Variants in SCN11A observed in about 807,000 individuals in gnomAD.
SCN11A encodes sodium voltage-gated channel alpha subunit 11.
A neutral mutation model predicts 162.2 loss-of-function variants in SCN11A; 122 were observed. That is an observed-to-expected ratio of 0.75 (90% CI 0.65 to 0.87). The LOEUF (loss-of-function observed/expected upper bound fraction) is 0.87, where lower values mean the gene tolerates loss of function less well. Among genes scored for constraint, SCN11A ranks in the 40% least tolerant of loss-of-function variants. SCN11A has a pLI of 0.00. For synonymous variants in SCN11A, 758 were observed against 751.5 expected (o/e 1.01, Z -0.14); for missense variants, 2,015 against 2,181.6 (o/e 0.92, Z 1.52).
At chr3:38,889,024 A>C (rs2065449279) in intron 19 of SCN11A, among the ~76,000 whole-genome samples, 1 of 152,230 alleles carries the variant, frequency 6.6e-6, no homozygotes, top group Non-Finnish European at 1.5e-5. Context: ...TGAAATTGAA[A>C]AAAAAGATAT....
intron 26 of SCN11A, among the ~76,000 whole-genome samples, chr3:38,869,516 C>G (rs1238447605): frequency 6.6e-6 from 1 of 152,026 alleles, no homozygotes. Context: ...AGAAAGTTGA[C>G]TTTATTGACA....
chr3:38,918,448 C>T (rs115968017), intron 11 of SCN11A, among the ~76,000 whole-genome samples: 2,908 of 152,238 alleles, frequency 0.019, 96 homozygotes, highest in African/African-American at 0.066. Context: ...TTGTGAACTG[C>T]GCATGCAAGG....
intron 28 of SCN11A, among the ~76,000 whole-genome samples, chr3:38,856,670 T>A (rs2064874695): frequency 6.6e-6 from 1 of 152,284 alleles, no homozygotes; most frequent in East Asian, 1.9e-4. Context: ...ACCTTCTCTA[T>A]TGGCCTGAAG....
intron 2 of SCN11A, among the ~76,000 whole-genome samples, chr3:38,990,439 G>C (rs1389051823): frequency 6.6e-6 from 1 of 152,198 alleles, no homozygotes; most frequent in Non-Finnish European, 1.5e-5. Context: ...TCAGCATTAT[G>C]CTTGCATGTA....
intron 26 of SCN11A, 99 bp from the exon 27 acceptor site, chr3:38,867,557 G>T (rs1559495812): frequency 7.9e-6 from 7 of 882,470 alleles, no homozygotes; most frequent in Admixed American, 2.5e-5. Context: ...TTTCTTAGCA[G>T]CAACATTGAC....
chr3:38,848,404 G>C (rs147432170), intron 29 of SCN11A, among the ~76,000 whole-genome samples: 1 of 152,010 alleles, frequency 6.6e-6, no homozygotes, highest in Admixed American at 6.5e-5. Flanking sequence ...AGGGGTCATG[G>C]GCAGTATTTG....
At chr3:38,889,742 G>A (rs112130855) in intron 19 of SCN11A, among the ~76,000 whole-genome samples, 37,881 of 150,554 alleles carry the variant, frequency 0.25, 4,957 homozygotes, top group Middle Eastern at 0.3. Context: ...AGAGCTTGCA[G>A]TGAGCGGAGA....
At chr3:38,883,451 C>T (rs2065344023) in intron 21 of SCN11A, 64 bp from the exon 22 acceptor site, 1 of 1,485,588 alleles carries the variant, frequency 6.7e-7, no homozygotes. Context: ...AAATGCAACT[C>T]TTCACCCCTT....
intron 2 of SCN11A, among the ~76,000 whole-genome samples, chr3:38,990,629 CACTT>C (rs2030422119): frequency 6.6e-6 from 1 of 152,110 alleles, no homozygotes; most frequent in South Asian, 2.1e-4. Context: ...CAATAGTAAA[CACTT>C]ACATACCACA....
intron 1 of SCN11A, among the ~76,000 whole-genome samples, chr3:39,043,462 C>T (rs1339466426): frequency 1.5e-5 from 2 of 137,102 alleles, no homozygotes; most frequent in Admixed American, 7.5e-5. Context: ...GATACTTATA[C>T]ACAATGAAGT....
intron 2 of SCN11A, among the ~76,000 whole-genome samples, chr3:38,999,020 C>G (rs2030733445): frequency 6.6e-6 from 1 of 152,006 alleles, no homozygotes; most frequent in Admixed American, 6.6e-5. Context: ...AACTAACCTG[C>G]ACGTTGTGCA....
chr3:38,909,221 A>G (rs1049640473), intron 12 of SCN11A, 27 bp from the exon 13 acceptor site: 29 of 1,607,560 alleles, frequency 1.8e-5, no homozygotes, highest in Non-Finnish European at 2.4e-5. Flanking sequence ...ATGTTCTTGA[A>G]TATCAAACCT....
At chr3:38,920,064 T>A in intron 10 of SCN11A, 63 bp from the exon 11 acceptor site, 1 of 1,235,640 alleles carries the variant, frequency 8.1e-7, no homozygotes, top group Non-Finnish European at 1.2e-6. Context: ...AAGAGAATAG[T>A]AAGTATGCAG....
chr3:38,930,697 G>A (rs1481805394), intron 7 of SCN11A, among the ~76,000 whole-genome samples: 2 of 152,136 alleles, frequency 1.3e-5, no homozygotes, highest in African/African-American at 2.4e-5. Flanking sequence ...GATGGGACAG[G>A]CAGATCAAAA....
At chr3:38,936,234 C>T (rs1490485410) in intron 7 of SCN11A, among the ~76,000 whole-genome samples, 1 of 152,068 alleles carries the variant, frequency 6.6e-6, no homozygotes, top group East Asian at 1.9e-4. Flanking sequence ...ATAATAAGAG[C>T]TATCTCTGAC....
At position 38,865,596 on chromosome 3, in the gene SCN11A, G is replaced by A. The variant is rs2065027405; in HGVS notation, c.3951+1725C>T. ...ATTTGGGGATTGAGAAATGCCTTTA[G>A]TTCATAAGTACAATTAAAAAAAAGC... On this transcript the variant is annotated intron_variant, in intron 27 of 29. Transcript: ENST00000302328. Among the ~76,000 whole-genome samples, 6 of 148,936 alleles carry A rather than the reference G, an allele frequency of 4.0e-5. 1 individual carries two copies. The South Asian group carries it at 1.3e-3, about 32-fold the overall frequency.
intron 27 of SCN11A, among the ~76,000 whole-genome samples, chr3:38,866,658 T>C (rs1028347005): frequency 6.6e-6 from 1 of 152,244 alleles, no homozygotes; most frequent in African/African-American, 2.4e-5. Context: ...ATGGATTATA[T>C]CAAAATCATA....
chr3:38,951,353 A>T (rs910313412), intron 4 of SCN11A, among the ~76,000 whole-genome samples: 2 of 152,176 alleles, frequency 1.3e-5, no homozygotes, highest in Non-Finnish European at 2.9e-5. Context: ...CTGGCGCTGC[A>T]CTCGATTTCT....
At chr3:38,871,161 CCT>C (rs2065119676) in intron 25 of SCN11A, among the ~76,000 whole-genome samples, 1 of 152,184 alleles carries the variant, frequency 6.6e-6, no homozygotes, top group Admixed American at 6.5e-5. Flanking sequence ...AGGCTCCACT[CCT>C]CTCTGCCTGG....
Sources: allele counts gnomAD v4.1 joint callset (sites outside exome capture counted in the v4.1 genomes callset), GRCh38; gene constraint gnomAD v4.1.1; transcripts MANE v1.5; gene names NCBI Gene and HGNC (gene_info 2026-07-23, HGNC 2026-07-21).